Variants in AFDN observed in about 807,000 individuals in gnomAD.
AFDN encodes afadin.
AFDN carries 68 observed loss-of-function variants against 216.6 expected under a neutral mutation model. That is an observed-to-expected ratio of 0.31 (90% CI 0.26 to 0.38). AFDN has a LOEUF of 0.38. Among genes scored for constraint, AFDN ranks in the 10% least tolerant of loss-of-function variants. AFDN has a pLI of 1.00. For missense variants in AFDN, 2,136 were observed against 2,342.0 expected (o/e 0.91, Z 1.82); for synonymous variants, 868 against 853.7 (o/e 1.02, Z -0.29).
At chr6:167,854,770 G>A (rs544967517) in intron 1 of AFDN, among the ~76,000 whole-genome samples, 1 of 149,386 alleles carries the variant, frequency 6.7e-6, no homozygotes, top group African/African-American at 2.5e-5. Flanking sequence ...GATTTTTATA[G>A]TTTTTTTAAA....
At chr6:167,894,971 T>G (rs1183199227) in intron 9 of AFDN, among the ~76,000 whole-genome samples, 1 of 152,248 alleles carries the variant, frequency 6.6e-6, no homozygotes, top group Non-Finnish European at 1.5e-5. Flanking sequence ...TGCTTTTGCT[T>G]TCTTTATAAT....
At chr6:167,910,580 G>T (rs1455582610) in intron 13 of AFDN, among the ~76,000 whole-genome samples, 1 of 152,196 alleles carries the variant, frequency 6.6e-6, no homozygotes, top group Non-Finnish European at 1.5e-5. Flanking sequence ...ATGCGTCACT[G>T]TAAGCATTGG....
At chr6:167,893,038 GC>G (rs1787804140) in intron 8 of AFDN, among the ~76,000 whole-genome samples, 2 of 152,122 alleles carry the variant, frequency 1.3e-5, no homozygotes, top group African/African-American at 4.8e-5. Context: ...GAATCACAGT[GC>G]CATGTGACAA....
At chr6:167,915,590 G>T (rs1790954604) in intron 19 of AFDN, among the ~76,000 whole-genome samples, 157 bp downstream of exon 19, 1 of 152,194 alleles carries the variant, frequency 6.6e-6, no homozygotes, top group South Asian at 2.1e-4. Flanking sequence ...GAGTACTTGG[G>T]CTGCGGTTAC....
intron 6 of AFDN, among the ~76,000 whole-genome samples, chr6:167,887,991 G>A (rs3800522): frequency 0.43 from 65,579 of 151,934 alleles, 15,044 homozygotes; most frequent in Middle Eastern, 0.54. Flanking sequence ...TTAAGCTGAA[G>A]GATGAGTGGA....
At chr6:167,930,674 G>T (rs1413602858) in intron 23 of AFDN, among the ~76,000 whole-genome samples, 1 of 152,174 alleles carries the variant, frequency 6.6e-6, no homozygotes, top group African/African-American at 2.4e-5. Flanking sequence ...TTTCTGCTTT[G>T]CAGGCCATGT....
At chr6:167,952,559 T>TA (rs767082888) in intron 30 of AFDN, 62 of 965,870 alleles carry the variant, frequency 6.4e-5, no homozygotes, top group Non-Finnish European at 7.6e-5. Context: ...GCCAGATTGA[T>TA]ACTTTAGGCT....
intron 30 of AFDN, among the ~76,000 whole-genome samples, chr6:167,961,304 TC>T (rs1021302709): frequency 5.9e-5 from 9 of 152,238 alleles, no homozygotes; most frequent in African/African-American, 2.2e-4. Flanking sequence ...CTGTGGGTGT[TC>T]CTGTAGCACA....
rs557985577 is a variant in AFDN, at chr6:167,854,054, A to G, written c.106-10497A>G. Among the ~76,000 whole-genome samples, 3 of 152,162 alleles carry G rather than the reference A, an allele frequency of 2.0e-5. No homozygotes were observed. The South Asian group carries it at 6.2e-4, about 32-fold the overall frequency. On this transcript the variant is annotated intron_variant, in intron 1 of 33. Coordinates refer to ENST00000683244, the MANE Select transcript of AFDN (RefSeq NM_001386888.1). ...TTTACCAAATGTTGCCAAATTCTGCACCTTGGGTATATACTTTTTTTTCCC... is the reference window on the plus strand; with the variant it reads ...TTTACCAAATGTTGCCAAATTCTGCGCCTTGGGTATATACTTTTTTTTCCC...
intron 8 of AFDN, 29 bp from the exon 9 acceptor site, chr6:167,893,833 C>G (rs1375234577): frequency 1.3e-6 from 2 of 1,561,022 alleles, no homozygotes; most frequent in South Asian, 1.2e-5. Flanking sequence ...CTGCCTTCAC[C>G]TGGGTCCTGG....
intron 9 of AFDN, 63 bp downstream of exon 9, chr6:167,893,969 A>G (rs1419362022): frequency 5.6e-6 from 7 of 1,239,244 alleles, no homozygotes; most frequent in Middle Eastern, 2.1e-4. Context: ...TGGGCAGAAT[A>G]GTGTTGAATG....
intron 1 of AFDN, among the ~76,000 whole-genome samples, chr6:167,861,052 T>C (rs1051406955): frequency 3.9e-5 from 6 of 152,128 alleles, no homozygotes; most frequent in African/African-American, 1.4e-4. Context: ...GTGTTGGTGG[T>C]CAGTGTACTT....
chr6:167,903,348 C>G (rs1789232274), intron 12 of AFDN, among the ~76,000 whole-genome samples: 4 of 152,232 alleles, frequency 2.6e-5, no homozygotes, highest in Admixed American at 2.6e-4. Context: ...GCAGGGCCCA[C>G]TGACCCTCTC....
chr6:167,864,816 A>G, intron 2 of AFDN, 70 bp downstream of exon 2: 1 of 1,470,254 alleles, frequency 6.8e-7, no homozygotes, highest in South Asian at 1.1e-5. Flanking sequence ...GTCCAGGGTC[A>G]TTGTGGTCAT....
chr6:167,860,120 G>A (rs924072684), intron 1 of AFDN, among the ~76,000 whole-genome samples: 1 of 136,108 alleles, frequency 7.3e-6, no homozygotes, highest in East Asian at 2.6e-4. Flanking sequence ...CTGCTTCCAA[G>A]TAAGCTCTTC....
In AFDN at chr6:167,902,367, C is replaced by T; in HGVS notation, c.1631C>T (p.Thr544Ile). ...TTGGGAGGAGATATTCATAGTGGGA[C>T]AGCATTACCGACAAGCAAGGTAGGT... is the stretch of plus-strand genomic sequence containing the variant. ...FDLGGDIHSG[T>I]ALPTSKSTTR... is the part of the protein sequence containing the mutation. The change falls in exon 12 of 34, where the codon ACA becomes ATA. Residue 544 changes from threonine (T) to isoleucine (I), a missense_variant. Around this residue, in one of 8 missense-constraint regions of AFDN, gnomAD observed 817 missense variants for 965.7 expected, o/e 0.85. Transcript: ENST00000683244. 2 of 1,612,482 alleles carry T rather than the reference C, an allele frequency of 1.2e-6. No homozygotes were observed. The highest frequency in any genetic ancestry group is 2.2e-5 in the East Asian group (1 of 44,770).
In AFDN at chr6:167,928,638, G is replaced by A. The variant is rs569895397; in HGVS notation, c.3099+3547G>A. Among the ~76,000 whole-genome samples, 9 of 152,344 alleles carry A rather than the reference G, an allele frequency of 5.9e-5. No individual in the cohort carries two copies. In the South Asian group the frequency reaches 1.0e-3, roughly 18 times the overall value. ...CGGGTGCAGAGCCCTAGGAGTGCCC[G>A]ACTGTGCCTGAGTCCAGGGAGCCCA... On this transcript the variant is annotated intron_variant, in intron 23 of 33. Transcript: ENST00000683244.
At chr6:167,938,518 A>G (rs898342172) in intron 23 of AFDN, among the ~76,000 whole-genome samples, 1 of 152,208 alleles carries the variant, frequency 6.6e-6, no homozygotes, top group African/African-American at 2.4e-5. Context: ...ACTTCAACCT[A>G]TTTAAAGATA....
At chr6:167,886,266 A>G (rs1786794147) in intron 6 of AFDN, among the ~76,000 whole-genome samples, 1 of 152,202 alleles carries the variant, frequency 6.6e-6, no homozygotes, top group Non-Finnish European at 1.5e-5. Context: ...GGCCTTTAGT[A>G]GGAAGTAGTG....
Sources: allele counts gnomAD v4.1 joint callset (sites outside exome capture counted in the v4.1 genomes callset), GRCh38; gene constraint gnomAD v4.1.1; regional missense constraint gnomAD v4.1.1; transcripts MANE v1.5; gene names NCBI Gene and HGNC (gene_info 2026-07-23, HGNC 2026-07-21).